HOOK3: variants seen among roughly 807,000 people sequenced by gnomAD.
HOOK3 encodes the protein hook microtubule tethering protein 3.
Under a neutral mutation model 116.3 loss-of-function variants are expected in HOOK3, and 24 were observed. The observed-to-expected ratio is 0.21, with a 90% CI of 0.15 to 0.29. The LOEUF is 0.29. Among genes scored for constraint, HOOK3 ranks in the 10% least tolerant of loss-of-function variants. The pLI, the probability that HOOK3 is intolerant of heterozygous loss-of-function variation, is 1.00. For synonymous variants in HOOK3, 275 were observed against 283.0 expected (o/e 0.97, Z 0.28); for missense variants, 632 against 830.2 (o/e 0.76, Z 2.93).
intron 19 of HOOK3, 144 bp downstream of exon 19, chr8:43,010,549 A>G (rs1036270102): frequency 2.2e-5 from 6 of 266,990 alleles, no homozygotes; most frequent in Non-Finnish European, 7.7e-6. Context: ...AATAAAAAGA[A>G]CCTGAGCAAC....
Position 43,025,844 on chromosome 8 carries a change from G to C in HOOK3, c.*7346G>C. 4.8e-6 allele frequency: 1 copy of C among 209,890 alleles called. No individual in the cohort carries two copies. The highest frequency in any genetic ancestry group is 9.7e-6 in the Non-Finnish European group (1 of 103,472). 13.0% of individuals were successfully genotyped at this position (209,890 alleles called of 1,614,324 possible). ...ACACACAGTAGCCCCACACAGTTTT[G>C]TTTTAAATGAAGGCAAAAGTAGACA... On this transcript the variant is annotated 3_prime_UTR_variant, in exon 22 of 22. Coordinates refer to ENST00000307602, the MANE Select transcript of HOOK3 (RefSeq NM_032410.4).
At chr8:42,975,846 C>T (rs1292121309) in intron 13 of HOOK3, among the ~76,000 whole-genome samples, 1 of 152,122 alleles carries the variant, frequency 6.6e-6, no homozygotes, top group Non-Finnish European at 1.5e-5. Flanking sequence ...GCTGGGACTA[C>T]AGGGGTGTGC....
At chr8:42,955,965 T>C (rs2130405593) in intron 6 of HOOK3, among the ~76,000 whole-genome samples, 1 of 152,230 alleles carries the variant, frequency 6.6e-6, no homozygotes, top group South Asian at 2.1e-4. Context: ...ACTCCTGGGC[T>C]CAAGCATTCC....
chr8:43,011,130 C>T (rs1248553076), intron 19 of HOOK3, among the ~76,000 whole-genome samples: 5 of 151,966 alleles, frequency 3.3e-5, no homozygotes, highest in Admixed American at 2.6e-4. Context: ...GTAGCTAGGA[C>T]TACAGGCGCC....
rs1279543759 is a variant in HOOK3 at position 43,021,729 on chromosome 8, CG to C, written c.*3232del. The C allele has an allele frequency of 1.3e-5, 2 of 159,256 alleles. No homozygotes were observed. The highest frequency in any genetic ancestry group is 2.7e-5 in the Non-Finnish European group (2 of 73,094). The allele number at this position is 159,256 out of a possible 1,614,324, so 9.9% of individuals were successfully genotyped here. ...TGTCACCCAGGCTGGAGTGCAGTGG[CG>C]CGATCTCGGCTCACTGCAAGCTCCG... On this transcript the variant is annotated 3_prime_UTR_variant, in exon 22 of 22. Coordinates refer to ENST00000307602, the MANE Select transcript of HOOK3 (RefSeq NM_032410.4).
chr8:42,941,872 C>T (rs1457590235), intron 4 of HOOK3, among the ~76,000 whole-genome samples: 1 of 152,066 alleles, frequency 6.6e-6, no homozygotes, highest in African/African-American at 2.4e-5. Flanking sequence ...TGTGTCGTAT[C>T]CCCCCACCTA....
intron 2 of HOOK3, among the ~76,000 whole-genome samples, chr8:42,909,795 C>T (rs978084672): frequency 6.6e-6 from 1 of 152,174 alleles, no homozygotes; most frequent in African/African-American, 2.4e-5. Flanking sequence ...TCATTTTCAA[C>T]AACGTGGACA....
intron 2 of HOOK3, among the ~76,000 whole-genome samples, chr8:42,912,010 T>C (rs1490754276): frequency 1.3e-5 from 2 of 152,196 alleles, no homozygotes; most frequent in African/African-American, 4.8e-5. Flanking sequence ...TAAATCACTT[T>C]AGGGGAGAAT....
chr8:42,907,459 A>T (rs1807332452), intron 2 of HOOK3, among the ~76,000 whole-genome samples: 1 of 152,186 alleles, frequency 6.6e-6, no homozygotes, highest in African/African-American at 2.4e-5. Flanking sequence ...AAGAAGGCTC[A>T]TTGGGAACCT....
chr8:43,008,017 AT>A (rs1233649094), intron 18 of HOOK3, 88 bp downstream of exon 18: 5 of 556,070 alleles, frequency 9.0e-6, no homozygotes, highest in Non-Finnish European at 1.2e-5. Context: ...TTAATTATTT[AT>A]TTTTTATTTT....
At chr8:43,010,000 ATATC>A (rs1809573981) in intron 18 of HOOK3, among the ~76,000 whole-genome samples, 1 of 151,662 alleles carries the variant, frequency 6.6e-6, no homozygotes, top group Non-Finnish European at 1.5e-5. Context: ...GAATAATATT[ATATC>A]TATGTACTAC....
chr8:42,964,173 C>A, intron 8 of HOOK3, 138 bp from the exon 9 acceptor site: 1 of 805,800 alleles, frequency 1.2e-6, no homozygotes, highest in Non-Finnish European at 1.9e-6. Context: ...CGCCACTGCA[C>A]TCCAGCCTGG....
At chr8:42,949,897 CAG>C (rs1473009233) in intron 5 of HOOK3, among the ~76,000 whole-genome samples, 1 of 145,016 alleles carries the variant, frequency 6.9e-6, no homozygotes, top group Admixed American at 7.0e-5. Context: ...AGCCTGGCGA[CAG>C]AGTGAGACTC....
chr8:43,002,576 T>G (rs1809401253), intron 17 of HOOK3, among the ~76,000 whole-genome samples: 1 of 152,216 alleles, frequency 6.6e-6, no homozygotes, highest in South Asian at 2.1e-4. Context: ...ACTTTATAGA[T>G]ACGAACAGGC....
intron 13 of HOOK3, among the ~76,000 whole-genome samples, chr8:42,979,988 A>T (rs958755384): frequency 6.0e-5 from 6 of 99,686 alleles, no homozygotes; most frequent in African/African-American, 1.2e-4. Context: ...TTTGAGATGG[A>T]GTTTTGCTCT....
chr8:42,960,946 G>C (rs1808523740), intron 8 of HOOK3, among the ~76,000 whole-genome samples: 1 of 152,212 alleles, frequency 6.6e-6, no homozygotes, highest in Non-Finnish European at 1.5e-5. Context: ...GGTTCTGCAG[G>C]CTTTCCAGCA....
chr8:42,939,067 A>T (rs1254469353), intron 4 of HOOK3, among the ~76,000 whole-genome samples: 1 of 152,232 alleles, frequency 6.6e-6, no homozygotes, highest in Non-Finnish European at 1.5e-5. Flanking sequence ...CCAAGGCAGA[A>T]GAATTTTTCT....
chr8:42,960,184 A>C (rs2130413674), intron 8 of HOOK3, among the ~76,000 whole-genome samples: 1 of 152,290 alleles, frequency 6.6e-6, no homozygotes, highest in South Asian at 2.1e-4. Context: ...TGTATACTGG[A>C]TTGGCAAACT....
chr8:42,959,717 T>TG (rs1466231137), intron 8 of HOOK3, among the ~76,000 whole-genome samples: 1 of 57,648 alleles, frequency 1.7e-5, no homozygotes, highest in Non-Finnish European at 3.1e-5. Flanking sequence ...AGACTACATC[T>TG]GAAAAAAAAA....
Sources: allele counts gnomAD v4.1 joint callset (sites outside exome capture counted in the v4.1 genomes callset), GRCh38; gene constraint gnomAD v4.1.1; transcripts MANE v1.5; gene names NCBI Gene and HGNC (gene_info 2026-07-23, HGNC 2026-07-21).